The following SMG7 variants were observed in gnomAD, a reference collection of about 807,000 sequenced individuals.
SMG7 encodes the protein SMG7 nonsense mediated mRNA decay factor.
Under a neutral mutation model 148.2 loss-of-function variants are expected in SMG7, and 34 were observed. The observed-to-expected ratio is 0.23, with a 90% confidence interval of 0.17 to 0.31. The LOEUF (loss-of-function observed/expected upper bound fraction) is 0.31, where lower values mean the gene tolerates loss of function less well. SMG7 is among the 10% of genes least tolerant of loss of function. SMG7 has a pLI of 1.00. For synonymous variants in SMG7, 492 were observed against 515.1 expected (o/e 0.96, Z 0.61); for missense variants, 1,114 against 1,408.4 (o/e 0.79, Z 3.35).
At chr1:183,478,847 G>A (rs1653345102) in intron 1 of SMG7, among the ~76,000 whole-genome samples, 1 of 152,194 alleles carries the variant, frequency 6.6e-6, no homozygotes, top group African/African-American at 2.4e-5. Flanking sequence ...CATACGTCTT[G>A]TAGATAGTGG....
At chr1:183,529,593 A>C in intron 8 of SMG7, 60 bp downstream of exon 8, 1 of 1,430,256 alleles carries the variant, frequency 7.0e-7, no homozygotes, top group Non-Finnish European at 9.7e-7. Context: ...TAACATTTGG[A>C]GGAAACTGAC....
At chr1:183,499,259 C>T (rs755332327) in intron 1 of SMG7, among the ~76,000 whole-genome samples, 2 of 152,154 alleles carry the variant, frequency 1.3e-5, no homozygotes, top group Non-Finnish European at 2.9e-5. Flanking sequence ...CATCAGTTTT[C>T]AGCTCAATTG....
chr1:183,546,394 T>C (rs927446779), intron 17 of SMG7, 57 bp downstream of exon 17: 3 of 1,532,066 alleles, frequency 2.0e-6, no homozygotes. Flanking sequence ...GTTGACTGTC[T>C]TTTGAATATC....
intron 12 of SMG7, 71 bp from the exon 13 acceptor site, chr1:183,540,913 G>A: frequency 6.7e-7 from 1 of 1,484,176 alleles, no homozygotes. Context: ...CAGTTAATCA[G>A]GTGAACTTGG....
chr1:183,553,038 G>C lies in SMG7; in HGVS notation c.*1107G>C. ...AGACAGTCTGAAGAGGAAGGAAGCA[G>C]CAGTATCTGCGTAGCCCACAGAGGG... is the stretch of plus-strand genomic sequence containing the variant. On this transcript the variant is annotated 3_prime_UTR_variant, in exon 23 of 23. Transcript: ENST00000688051. 1 of 1,536,266 alleles carries C rather than the reference G, an allele frequency of 6.5e-7. No homozygotes were observed. The highest frequency in any genetic ancestry group is 2.4e-5 in the East Asian group (1 of 40,920).
At chr1:183,492,417 G>T (rs1337450805) in intron 1 of SMG7, among the ~76,000 whole-genome samples, 3 of 152,118 alleles carry the variant, frequency 2.0e-5, no homozygotes, top group Admixed American at 1.3e-4. Flanking sequence ...CTATTTCTCT[G>T]CATGTCTTTC....
At chr1:183,500,696 T>G (rs1659531208) in intron 1 of SMG7, among the ~76,000 whole-genome samples, 1 of 152,112 alleles carries the variant, frequency 6.6e-6, no homozygotes, top group South Asian at 2.1e-4. Flanking sequence ...TAGGAGTTAC[T>G]GAGTTTAAAA....
intron 8 of SMG7, among the ~76,000 whole-genome samples, chr1:183,530,076 G>A (rs924797812): frequency 3.9e-5 from 6 of 152,134 alleles, no homozygotes; most frequent in Non-Finnish European, 4.4e-5. Flanking sequence ...CAGTTTAAAT[G>A]TATAATGCAT....
chr1:183,490,628 T>G (rs1257375877), intron 1 of SMG7, among the ~76,000 whole-genome samples: 3 of 152,230 alleles, frequency 2.0e-5, no homozygotes, highest in Non-Finnish European at 1.5e-5. Context: ...ATTTTATGCA[T>G]ATACAGATAA....
chr1:183,487,107 T>C (rs990778161), intron 1 of SMG7, among the ~76,000 whole-genome samples: 1 of 152,192 alleles, frequency 6.6e-6, no homozygotes, highest in Non-Finnish European at 1.5e-5. Flanking sequence ...ACTACCACCA[T>C]GGTGGGGTTA....
rs567799608 is a variant in SMG7, at chr1:183,487,164, C to T, written c.29+14515C>T. Among the ~76,000 whole-genome samples the T allele has an allele frequency of 3.9e-5, 6 of 152,256 alleles. No homozygotes were observed. In the East Asian group the frequency reaches 1.2e-3, roughly 29 times the overall value. ...GTCAGAGGTCCAAAATGGGTCCTAC[C>T]AGGCTAAAGTCAAGGTGCCATTCCT... On this transcript the variant is annotated intron_variant, in intron 1 of 22. Transcript: ENST00000688051.
At chr1:183,474,411 A>G (rs1470895850) in intron 1 of SMG7, among the ~76,000 whole-genome samples, 1 of 152,168 alleles carries the variant, frequency 6.6e-6, no homozygotes, top group African/African-American at 2.4e-5. Flanking sequence ...AAAAATACAA[A>G]AAATTAGCTG....
intron 10 of SMG7, among the ~76,000 whole-genome samples, chr1:183,534,387 G>A (rs955794278): frequency 6.6e-6 from 1 of 152,172 alleles, no homozygotes; most frequent in East Asian, 1.9e-4. Flanking sequence ...AAAACTTTCA[G>A]TGTACCTTTG....
chr1:183,494,303 A>G (rs540098356), intron 1 of SMG7, among the ~76,000 whole-genome samples: 3 of 151,474 alleles, frequency 2.0e-5, no homozygotes, highest in Admixed American at 6.6e-5. Context: ...TGTTTGTACT[A>G]CTATTGTCAA....
intron 18 of SMG7, 89 bp downstream of exon 18, chr1:183,547,341 C>T: frequency 8.3e-7 from 1 of 1,203,820 alleles, no homozygotes; most frequent in East Asian, 2.6e-5. Flanking sequence ...GATTTCTTCT[C>T]TTCCTGGGGC....
Position 183,488,656 on chromosome 1 carries a change from C to G in SMG7, c.29+16007C>G, listed in dbSNP as rs369860951. On this transcript the variant is annotated intron_variant, in intron 1 of 22. Coordinates refer to ENST00000688051, the MANE Select transcript of SMG7 (RefSeq NM_001375584.1). ...GCATCTTTACTGTACAAGAGTCAAT[C>G]CAGGAAAAGTAAAATGTTTATAAGG... Among the ~76,000 whole-genome samples the G allele has an allele frequency of 1.5e-4, 23 of 150,412 alleles. No homozygotes were observed. The East Asian group carries it at 2.3e-3, about 15-fold the overall frequency.
Position 183,553,393 on chromosome 1 carries a change from T to C in SMG7, c.*1462T>C. 1.6e-6 allele frequency: 1 copy of C among 628,142 alleles called. No homozygotes were observed. Among genetic ancestry groups the C allele is most frequent in the Non-Finnish European group, 2.7e-6 (1 of 373,218 alleles). 38.9% of individuals were successfully genotyped at this position (628,142 alleles called of 1,614,324 possible). The stretch of plus-strand genomic sequence containing the variant: ...TTCTGGGAGGTCTCTCCTTTGTGTG[T>C]CTGTATGTTTGTGTACACACACGTG... On this transcript the variant is annotated 3_prime_UTR_variant, in exon 23 of 23. Coordinates refer to ENST00000688051, the MANE Select transcript of SMG7 (RefSeq NM_001375584.1).
intron 14 of SMG7, among the ~76,000 whole-genome samples, chr1:183,543,247 T>G (rs1039483341): frequency 2.6e-5 from 4 of 152,186 alleles, no homozygotes; most frequent in African/African-American, 9.6e-5. Context: ...GAATAAATAC[T>G]TAAGCAGCCA....
At chr1:183,488,682 C>CTTTTT (rs55662555) in intron 1 of SMG7, among the ~76,000 whole-genome samples, 22 of 75,102 alleles carry the variant, frequency 2.9e-4, no homozygotes, top group Non-Finnish European at 4.3e-4. Context: ...GTTTATAAGG[C>CTTTTT]TTTTTTTTTT....
Sources: allele counts gnomAD v4.1 joint callset (sites outside exome capture counted in the v4.1 genomes callset), GRCh38; gene constraint gnomAD v4.1.1; transcripts MANE v1.5; gene names NCBI Gene and HGNC (gene_info 2026-07-23, HGNC 2026-07-21).